PI4KA: variants seen among roughly 807,000 people sequenced by gnomAD.
PI4KA encodes PI4-kinase alpha.
In PI4KA, 122 loss-of-function variants were observed where a neutral mutation model predicts 271.4. That is an observed-to-expected ratio of 0.45 (90% CI 0.39 to 0.52). The LOEUF (loss-of-function observed/expected upper bound fraction) is 0.52. Ranked by LOEUF, PI4KA falls within the 20% of genes least tolerant of loss-of-function variation. The pLI, the probability that PI4KA is intolerant of heterozygous loss-of-function variation, is 0.00. For missense variants in PI4KA, 1,969 were observed against 2,769.1 expected (o/e 0.71, Z 6.48); for synonymous variants, 1,041 against 1,078.8 (o/e 0.96, Z 0.69).
chr22:20,799,670 C>T lies in PI4KA; in HGVS notation c.1820+1G>A. Reference sequence around the variant, plus strand: ...TCTGAGAGACAGGAATAGGGGCGTACTTGTCGCTCTCCTGAGAGATGTAGA... The same window carrying T: ...TCTGAGAGACAGGAATAGGGGCGTATTTGTCGCTCTCCTGAGAGATGTAGA... On this transcript the variant is annotated splice_donor_variant, in intron 15 of 54. Coordinates refer to ENST00000255882, the MANE Select transcript of PI4KA (RefSeq NM_058004.4). LOFTEE classifies it high-confidence loss of function. 1 of 1,549,620 alleles carries T rather than the reference C, an allele frequency of 6.5e-7. No homozygotes were observed. The highest frequency in any genetic ancestry group is 8.7e-7 in the Non-Finnish European group (1 of 1,145,010).
At chr22:20,790,396 C>T (rs1262258869) in intron 19 of PI4KA, among the ~76,000 whole-genome samples, 1 of 152,058 alleles carries the variant, frequency 6.6e-6, no homozygotes, top group Non-Finnish European at 1.5e-5. Context: ...AGTGGTGGCT[C>T]ACACCTGTAA....
chr22:20,777,649 G>C (rs887449211), intron 19 of PI4KA, among the ~76,000 whole-genome samples: 2 of 152,212 alleles, frequency 1.3e-5, no homozygotes, highest in Non-Finnish European at 2.9e-5. Context: ...ACAGCGCCTG[G>C]CCGGCAGTTC....
intron 54 of PI4KA, among the ~76,000 whole-genome samples, chr22:20,708,627 C>T (rs1333132595): frequency 9.8e-6 from 1 of 101,654 alleles, no homozygotes; most frequent in Non-Finnish European, 1.9e-5. Flanking sequence ...TGGGCCCCTC[C>T]TCCTAGTCTG....
chr22:20,821,589 T>TTTTGTTTGTTTGTTTG (rs361536), intron 4 of PI4KA, among the ~76,000 whole-genome samples: 5 of 150,508 alleles, frequency 3.3e-5, no homozygotes, highest in Non-Finnish European at 7.4e-5. Flanking sequence ...ATCCCAGCAC[T>TTTTGTTTGTTTGTTTG]TTTGTTTGTT....
chr22:20,825,117 G>A (rs1274914529), intron 3 of PI4KA, among the ~76,000 whole-genome samples: 5 of 144,430 alleles, frequency 3.5e-5, no homozygotes, highest in Non-Finnish European at 6.1e-5. Context: ...TTGAATCAAG[G>A]AAAAAAGAGT....
chr22:20,735,051 G>A (rs1928550651), intron 32 of PI4KA, among the ~76,000 whole-genome samples: 2 of 151,964 alleles, frequency 1.3e-5, no homozygotes, highest in Admixed American at 6.6e-5. Flanking sequence ...GAGCCGAGGC[G>A]AGCCTGCAGC....
chr22:20,735,775 T>G (rs1006289244), intron 32 of PI4KA, among the ~76,000 whole-genome samples: 3 of 152,134 alleles, frequency 2.0e-5, no homozygotes, highest in Non-Finnish European at 4.4e-5. Context: ...AAGCTGCCCA[T>G]GGGGTGAGGA....
At chr22:20,777,121 C>T (rs956201969) in intron 19 of PI4KA, among the ~76,000 whole-genome samples, 3 of 151,944 alleles carry the variant, frequency 2.0e-5, no homozygotes, top group Admixed American at 1.3e-4. Flanking sequence ...GGCGTGATCA[C>T]GGCTCACTGC....
At chr22:20,715,487 C>CT (rs572092357) in intron 45 of PI4KA, among the ~76,000 whole-genome samples, 31 of 151,294 alleles carry the variant, frequency 2.0e-4, no homozygotes, top group African/African-American at 7.5e-4. Flanking sequence ...TTCTTTTTTT[C>CT]TTTTTGAGAC....
At chr22:20,845,221 G>A (rs2147798088) in intron 1 of PI4KA, among the ~76,000 whole-genome samples, 1 of 152,264 alleles carries the variant, frequency 6.6e-6, no homozygotes, top group South Asian at 2.1e-4. Flanking sequence ...TGACTGCCAA[G>A]GTAAGGAAAT....
Position 20,813,449 on chromosome 22 carries a change from CT to C in PI4KA, c.913del (p.Ser305AlafsTer29), listed in dbSNP as rs780231177. Reference protein sequence around the residue: ...LEPEYYFSTISSSFSVSPLFN... With the variant: ...LEPEYYFSTIXSSFSVSPLFN... ...AAGGGGAGAGACTGAGAAGCTGGAGCTGATGGTTGAAAAGTAGTACTCAGGC... is the reference window on the plus strand; with the variant it reads ...AAGGGGAGAGACTGAGAAGCTGGAGCGATGGTTGAAAAGTAGTACTCAGGC... On this transcript the variant is annotated frameshift_variant, in exon 8 of 55. Coordinates refer to ENST00000255882, the MANE Select transcript of PI4KA (RefSeq NM_058004.4). LOFTEE classifies it high-confidence loss of function. 12 of 1,613,806 alleles carry C rather than the reference CT, an allele frequency of 7.4e-6. No homozygotes were observed. The South Asian group carries it at 1.3e-4, about 18-fold the overall frequency.
At chr22:20,791,822 C>T (rs1037846595) in intron 19 of PI4KA, among the ~76,000 whole-genome samples, 10 of 152,116 alleles carry the variant, frequency 6.6e-5, no homozygotes, top group East Asian at 5.8e-4. Context: ...CATGGCAGGC[C>T]GGGCGCGGCA....
intron 9 of PI4KA, 139 bp from the exon 10 acceptor site, chr22:20,807,597 AC>A (rs1195079164): frequency 4.9e-6 from 3 of 617,806 alleles, no homozygotes; most frequent in Non-Finnish European, 5.9e-6. Flanking sequence ...ATGACTCATC[AC>A]TTGGACACTC....
In PI4KA at chr22:20,858,803, G is replaced by T; in HGVS notation, c.-78C>A. 7.3e-7 allele frequency: 1 copy of T among 1,361,652 alleles called. No individual in the cohort carries two copies. Among genetic ancestry groups the T allele is most frequent in the Non-Finnish European group, 9.5e-7 (1 of 1,056,828 alleles). The allele number at this position is 1,361,652 out of a possible 1,614,324, so 84.3% of individuals were successfully genotyped here. ...CGCCCGACCTCAGGGCGCAGGCGTA[G>T]GTGCATCCGGCTTTCCCGCCACGTG... On this transcript the variant is annotated 5_prime_UTR_variant, in exon 1 of 55. Coordinates refer to ENST00000255882, the MANE Select transcript of PI4KA (RefSeq NM_058004.4).
chr22:20,713,612 A>C (rs1040312476), intron 47 of PI4KA, among the ~76,000 whole-genome samples: 1 of 152,240 alleles, frequency 6.6e-6, no homozygotes, highest in Non-Finnish European at 1.5e-5. Context: ...ATTTAGGCTT[A>C]AATGGAACTA....
chr22:20,817,510 C>T (rs539603700), intron 7 of PI4KA, among the ~76,000 whole-genome samples: 7 of 151,658 alleles, frequency 4.6e-5, no homozygotes, highest in African/African-American at 1.5e-4. Flanking sequence ...CCAAGGCAGG[C>T]GTTCCCTTGA....
intron 42 of PI4KA, among the ~76,000 whole-genome samples, chr22:20,722,524 T>A (rs1304986692): frequency 1.3e-5 from 2 of 152,158 alleles, no homozygotes; most frequent in Non-Finnish European, 2.9e-5. Flanking sequence ...TGGACTAATA[T>A]ACACAACTGT....
chr22:20,846,515 G>T (rs1054057092), intron 1 of PI4KA, among the ~76,000 whole-genome samples: 1 of 151,926 alleles, frequency 6.6e-6, no homozygotes, highest in Admixed American at 6.6e-5. Context: ...AACAACGCAC[G>T]CTGGGGCCTG....
chr22:20,751,257 G>C, intron 27 of PI4KA, 36 bp downstream of exon 27: 1 of 1,518,836 alleles, frequency 6.6e-7, no homozygotes, highest in Non-Finnish European at 9.1e-7. Context: ...TTGTGGTAAA[G>C]ATGGCCCTTA....
Sources: allele counts gnomAD v4.1 joint callset (sites outside exome capture counted in the v4.1 genomes callset), GRCh38; gene constraint gnomAD v4.1.1; transcripts MANE v1.5; gene names NCBI Gene and HGNC (gene_info 2026-07-23, HGNC 2026-07-21).